Variants in LRFN5 observed in about 807,000 individuals in gnomAD.
The protein encoded by LRFN5 is leucine-rich repeat and fibronectin type-III domain-containing protein 5.
In LRFN5, 24 loss-of-function variants were observed where a neutral mutation model predicts 45.6. The observed-to-expected ratio is 0.53, with a 90% CI of 0.38 to 0.74. The LOEUF is 0.74. LRFN5 is among the 30% of genes least tolerant of loss of function. LRFN5 has a pLI of 0.00. For missense variants in LRFN5, 776 were observed against 861.5 expected, an observed-to-expected ratio of 0.90 and a Z score of 1.24; for synonymous variants, 340 against 313.8, an observed-to-expected ratio of 1.08 and a Z score of -0.88.
At chr14:41,848,969 C>T (rs1354612248) in intron 2 of LRFN5, among the ~76,000 whole-genome samples, 1 of 151,946 alleles carries the variant, frequency 6.6e-6, no homozygotes, top group Admixed American at 6.6e-5. Context: ...GAGGATGTCA[C>T]ATTTACAGTA....
chr14:41,821,985 T>G (rs903554813), intron 2 of LRFN5, among the ~76,000 whole-genome samples: 1 of 151,972 alleles, frequency 6.6e-6, no homozygotes, highest in Non-Finnish European at 1.5e-5. Flanking sequence ...TCTTTTTTGT[T>G]TCTGTTGTAT....
chr14:41,664,056 T>C (rs566091596), intron 1 of LRFN5, among the ~76,000 whole-genome samples: 2 of 152,034 alleles, frequency 1.3e-5, no homozygotes, highest in African/African-American at 4.8e-5. Context: ...AAACATTCAG[T>C]GTATACCCTC....
In LRFN5 at chr14:41,794,642, A is replaced by C. The variant is rs547797216; in HGVS notation, c.-21+27613A>C. On this transcript the variant is annotated intron_variant, in intron 2 of 5. Transcript: ENST00000298119. ...CTTAGATGTGAGGGTACTGACATCA[A>C]TAAGTGAAGGTACCTTTCTTGAGAT... 1.1e-3 allele frequency among the ~76,000 whole-genome samples: 174 copies of C among 152,194 alleles called. 3 individuals are homozygous for C. Among genetic ancestry groups the C allele is most frequent in the South Asian group, 9.3e-3 (45 of 4,828 alleles).
At position 41,607,534 on chromosome 14, in the gene LRFN5, TGCGCGCGC is replaced by T. The variant is rs1887541527; in HGVS notation, c.-1223_-1216del. ...CTTTCCAGCTAGCTGCGTGTGTGTG[TGCGCGCGC>T]GTGTGTACGCGCGCGCCTATCTGAT... On this transcript the variant is annotated 5_prime_UTR_variant, in exon 1 of 6. Transcript: ENST00000298119. The T allele has an allele frequency of 2.6e-5, 4 of 152,186 alleles. No homozygotes were observed. Among genetic ancestry groups the T allele is most frequent in the Admixed American group, 1.3e-4 (2 of 15,260 alleles). The allele number at this position is 152,186 out of a possible 1,614,324, so 9.4% of individuals were successfully genotyped here. A position where few individuals can be genotyped will look rare whatever the true frequency, so the allele number is the denominator to read the frequency against.
intron 2 of LRFN5, among the ~76,000 whole-genome samples, chr14:41,875,217 T>C (rs899841758): frequency 6.6e-6 from 1 of 152,264 alleles, no homozygotes; most frequent in African/African-American, 2.4e-5. Context: ...TTCCCAGATA[T>C]TTCCCACTTA....
At chr14:41,858,092 G>A (rs181232551) in intron 2 of LRFN5, among the ~76,000 whole-genome samples, 1 of 152,164 alleles carries the variant, frequency 6.6e-6, no homozygotes, top group Non-Finnish European at 1.5e-5. Flanking sequence ...GACATTGTGG[G>A]TTTTTAATTT....
At chr14:41,862,861 C>CTTTTT (rs536861522) in intron 2 of LRFN5, among the ~76,000 whole-genome samples, 48 of 110,204 alleles carry the variant, frequency 4.4e-4, no homozygotes, top group East Asian at 3.3e-3. Context: ...TTAAGTCTCT[C>CTTTTT]TTTTTTTTTT....
chr14:41,771,689 G>A (rs943803904), intron 2 of LRFN5, among the ~76,000 whole-genome samples: 13 of 152,096 alleles, frequency 8.5e-5, no homozygotes, highest in East Asian at 3.9e-4. Flanking sequence ...CATTTCCATC[G>A]GAGACCTTGT....
intron 1 of LRFN5, among the ~76,000 whole-genome samples, chr14:41,657,107 T>A (rs1442157677): frequency 2.0e-5 from 3 of 151,930 alleles, no homozygotes; most frequent in Non-Finnish European, 2.9e-5. Context: ...GAAATACATC[T>A]TTGTTTTCCA....
intron 1 of LRFN5, among the ~76,000 whole-genome samples, chr14:41,722,244 G>T (rs1170920836): frequency 6.6e-6 from 1 of 151,866 alleles, no homozygotes; most frequent in Non-Finnish European, 1.5e-5. Flanking sequence ...AAATGTTTAT[G>T]TCTTCCTTCA....
At chr14:41,852,933 AT>A (rs1316756873) in intron 2 of LRFN5, among the ~76,000 whole-genome samples, 1 of 151,890 alleles carries the variant, frequency 6.6e-6, no homozygotes, top group Non-Finnish European at 1.5e-5. Context: ...AACTAAAATA[AT>A]TTTTTTGTGT....
At chr14:41,841,874 T>C (rs1274504556) in intron 2 of LRFN5, among the ~76,000 whole-genome samples, 7 of 151,874 alleles carry the variant, frequency 4.6e-5, no homozygotes, top group Admixed American at 4.6e-4. Flanking sequence ...TACACTTAAA[T>C]AAATTATATT....
intron 1 of LRFN5, among the ~76,000 whole-genome samples, chr14:41,740,905 A>G (rs1358872522): frequency 6.6e-6 from 1 of 152,056 alleles, no homozygotes; most frequent in African/African-American, 2.4e-5. Context: ...AAATTTAAAA[A>G]AGAGTACTAT....
At chr14:41,852,671 C>G (rs1594466187) in intron 2 of LRFN5, among the ~76,000 whole-genome samples, 1 of 151,934 alleles carries the variant, frequency 6.6e-6, no homozygotes, top group South Asian at 2.1e-4. Context: ...TAAATTTACC[C>G]ATTAAGTTTT....
At chr14:41,620,072 T>C (rs1888067506) in intron 1 of LRFN5, among the ~76,000 whole-genome samples, 1 of 152,136 alleles carries the variant, frequency 6.6e-6, no homozygotes, top group African/African-American at 2.4e-5. Flanking sequence ...TAGACTGTAA[T>C]ATTTGGCCTT....
intron 1 of LRFN5, among the ~76,000 whole-genome samples, chr14:41,640,789 C>T (rs990680324): frequency 3.9e-5 from 6 of 151,984 alleles, no homozygotes; most frequent in Non-Finnish European, 7.4e-5. Context: ...GTTTCTTTCT[C>T]GAATTTTATT....
At chr14:41,658,951 C>A (rs896729344) in intron 1 of LRFN5, among the ~76,000 whole-genome samples, 3 of 151,962 alleles carry the variant, frequency 2.0e-5, no homozygotes, top group Non-Finnish European at 2.9e-5. Context: ...TTCTCTTTTC[C>A]TGCCTGCCTC....
Position 41,734,344 on chromosome 14 carries a change from A to T in LRFN5, c.-196-32510A>T, listed in dbSNP as rs189900290. Among the ~76,000 whole-genome samples, 332 of 105,730 alleles carry T rather than the reference A, an allele frequency of 3.1e-3. 4 individuals carry two copies. Among genetic ancestry groups the T allele is most frequent in the East Asian group, 0.023 (45 of 1,924 alleles). 69.4% of individuals were successfully genotyped at this position (105,730 alleles called of 152,430 possible). A position where few individuals can be genotyped will look rare whatever the true frequency, so the allele number is the denominator to read the frequency against. On this transcript the variant is annotated intron_variant, in intron 1 of 5. Coordinates refer to ENST00000298119, the MANE Select transcript of LRFN5 (RefSeq NM_152447.5). ...TATATATATATATATATATATATATATTTAAATTTGCTGTAACTTATTGAT... is the reference window on the plus strand; with the variant it reads ...TATATATATATATATATATATATATTTTTAAATTTGCTGTAACTTATTGAT...
chr14:41,618,692 T>C (rs1888004849), intron 1 of LRFN5, among the ~76,000 whole-genome samples: 1 of 152,102 alleles, frequency 6.6e-6, no homozygotes, highest in Non-Finnish European at 1.5e-5. Context: ...AATTATGTAA[T>C]CAGAATAAAT....
Sources: allele counts gnomAD v4.1 joint callset (sites outside exome capture counted in the v4.1 genomes callset), GRCh38; gene constraint gnomAD v4.1.1; transcripts MANE v1.5; gene names NCBI Gene and HGNC (gene_info 2026-07-23, HGNC 2026-07-21).